The following COL4A5 variants were observed in gnomAD, a reference collection of about 807,000 sequenced individuals.
The protein encoded by COL4A5 is collagen alpha-5(IV) chain.
A neutral mutation model predicts 130.2 loss-of-function variants in COL4A5; 26 were observed. The ratio of observed to expected loss-of-function variants is 0.20; its 90% CI spans 0.15 to 0.28. The LOEUF (loss-of-function observed/expected upper bound fraction) is 0.28. Ranked by LOEUF, COL4A5 falls within the 10% of genes least tolerant of loss-of-function variation. The pLI is 1.00. For missense variants in COL4A5, 1,131 were observed against 1,344.3 expected, an observed-to-expected ratio of 0.84 and a Z score of 2.48; for synonymous variants, 496 against 439.6, an observed-to-expected ratio of 1.13 and a Z score of -1.60.
chrX:108,446,318 A>G (rs1477560437), intron 1 of COL4A5, among the ~76,000 whole-genome samples: 1 of 111,967 alleles, frequency 8.9e-6, no homozygotes, highest in Non-Finnish European at 1.9e-5. Context: ...TACACACTCC[A>G]ATTTATTTAC....
intron 1 of COL4A5, among the ~76,000 whole-genome samples, chrX:108,537,549 G>A (rs1298892550): frequency 9.0e-6 from 1 of 111,392 alleles, no homozygotes; most frequent in Non-Finnish European, 1.9e-5. Flanking sequence ...ATAAAGAAAG[G>A]TCACATAGAA....
intron 29 of COL4A5, among the ~76,000 whole-genome samples, chrX:108,610,736 C>T (rs761371302): frequency 7.2e-5 from 8 of 111,396 alleles, no homozygotes; most frequent in Non-Finnish European, 1.1e-4. Flanking sequence ...TATGGCATTC[C>T]CATATCCTCA....
intron 1 of COL4A5, among the ~76,000 whole-genome samples, chrX:108,519,016 T>C (rs1295597490): frequency 8.9e-6 from 1 of 111,959 alleles, no homozygotes; most frequent in Non-Finnish European, 1.9e-5. Context: ...ATTGGCTCTC[T>C]ATTTCTTCAT....
intron 1 of COL4A5, among the ~76,000 whole-genome samples, chrX:108,460,445 T>A (rs752015790): frequency 8.2e-5 from 9 of 109,219 alleles, no homozygotes; most frequent in Non-Finnish European, 1.5e-4. Context: ...AAATAATAGC[T>A]TTTTTCTTCC....
chrX:108,512,757 A>G (rs899894970), intron 1 of COL4A5, among the ~76,000 whole-genome samples: 2 of 111,384 alleles, frequency 1.8e-5, no homozygotes, highest in Admixed American at 1.9e-4. Context: ...ACAGGACCAC[A>G]GGACCCGGGC....
At chrX:108,649,868 A>G (rs996919848) in intron 36 of COL4A5, among the ~76,000 whole-genome samples, 2 of 111,635 alleles carry the variant, frequency 1.8e-5, no homozygotes, top group African/African-American at 6.5e-5. Flanking sequence ...TATGACCAAG[A>G]GCCCAAACAC....
intron 2 of COL4A5, among the ~76,000 whole-genome samples, chrX:108,540,963 A>G (rs1456666897): frequency 1.8e-5 from 2 of 112,169 alleles, no homozygotes; most frequent in Admixed American, 9.5e-5. Flanking sequence ...GGGGCTCAGT[A>G]TTTTTGAATG....
intron 2 of COL4A5, among the ~76,000 whole-genome samples, chrX:108,549,159 C>T (rs2065712560): frequency 9.0e-6 from 1 of 111,314 alleles, no homozygotes; most frequent in Non-Finnish European, 1.9e-5. Flanking sequence ...TACATGAAGC[C>T]AAAACTGAGA....
At chrX:108,452,145 C>T (rs764146307) in intron 1 of COL4A5, among the ~76,000 whole-genome samples, 147 of 111,288 alleles carry the variant, frequency 1.3e-3, no homozygotes, top group African/African-American at 4.2e-3. Context: ...AGATTTGTGG[C>T]GTTATTTCTG....
At chrX:108,630,647 C>T (rs765484486) in intron 36 of COL4A5, among the ~76,000 whole-genome samples, 18 of 111,949 alleles carry the variant, frequency 1.6e-4, no homozygotes, top group African/African-American at 5.5e-4. Context: ...TGTGCAGAAG[C>T]TCTTTAGTTT....
At chrX:108,571,114 A>C (rs1382983382) in intron 6 of COL4A5, among the ~76,000 whole-genome samples, 1 of 112,092 alleles carries the variant, frequency 8.9e-6, no homozygotes, top group Non-Finnish European at 1.9e-5. Flanking sequence ...TAACTATTAA[A>C]TGTGATGATA....
At chrX:108,609,320 C>T (rs1294215247) in intron 29 of COL4A5, among the ~76,000 whole-genome samples, 2 of 111,808 alleles carry the variant, frequency 1.8e-5, no homozygotes, top group Non-Finnish European at 3.8e-5. Context: ...GTGGTAGCAT[C>T]ATATTGTGAT....
intron 9 of COL4A5, among the ~76,000 whole-genome samples, 186 bp downstream of exon 9, chrX:108,573,840 G>T (rs781372464): frequency 9.0e-5 from 10 of 111,219 alleles, no homozygotes; most frequent in Non-Finnish European, 1.3e-4. Flanking sequence ...AACAACATCG[G>T]CTTCATTCTT....
chrX:108,599,145 A>G (rs1037191485), intron 25 of COL4A5, among the ~76,000 whole-genome samples: 4 of 111,509 alleles, frequency 3.6e-5, no homozygotes, highest in African/African-American at 1.3e-4. Context: ...AGAAGCACAC[A>G]GGTAGCTACC....
intron 29 of COL4A5, among the ~76,000 whole-genome samples, chrX:108,611,692 G>C: frequency 9.0e-6 from 1 of 110,957 alleles, no homozygotes; most frequent in East Asian, 2.8e-4. Context: ...TACAAATCCA[G>C]ATGGCATCAC....
At chrX:108,446,036 T>A (rs944539259) in intron 1 of COL4A5, among the ~76,000 whole-genome samples, 11 of 111,547 alleles carry the variant, frequency 9.9e-5, no homozygotes, top group African/African-American at 3.6e-4. Context: ...TGGATGTGAA[T>A]CACGAAACTC....
chrX:108,611,409 A>C (rs1277735810), intron 29 of COL4A5, among the ~76,000 whole-genome samples: 1 of 111,188 alleles, frequency 9.0e-6, no homozygotes, highest in Non-Finnish European at 1.9e-5. Flanking sequence ...TCCGGGCAGC[A>C]AGAATAACAT....
chrX:108,480,861 T>G (rs761272424), intron 1 of COL4A5, among the ~76,000 whole-genome samples: 1 of 112,501 alleles, frequency 8.9e-6, no homozygotes, highest in Non-Finnish European at 1.9e-5. Flanking sequence ...TTCAAGTCCT[T>G]GATCTTGGCA....
intron 2 of COL4A5, among the ~76,000 whole-genome samples, chrX:108,552,073 G>A (rs1459391929): frequency 9.0e-6 from 1 of 111,263 alleles, no homozygotes; most frequent in Non-Finnish European, 1.9e-5. Flanking sequence ...AAGATGTTGG[G>A]GAGACTGTTG....
Sources: allele counts gnomAD v4.1 joint callset (sites outside exome capture counted in the v4.1 genomes callset), GRCh38; gene constraint gnomAD v4.1.1; transcripts MANE v1.5; gene names NCBI Gene and HGNC (gene_info 2026-07-23, HGNC 2026-07-21).